USH2A: variants seen among roughly 807,000 people sequenced by gnomAD.
The protein encoded by USH2A is usherin, also known as Usher syndrome 2A (autosomal recessive, mild).
USH2A carries 443 observed loss-of-function variants against 538.9 expected under a neutral mutation model. The observed-to-expected ratio is 0.82, with a 90% CI of 0.76 to 0.89. The LOEUF is 0.89. Ranked by LOEUF, USH2A falls within the 40% of genes least tolerant of loss-of-function variation. USH2A has a pLI of 0.00. For synonymous variants in USH2A, 2,413 were observed against 2,273.5 expected (o/e 1.06, Z -1.75); for missense variants, 6,633 against 6,324.8 (o/e 1.05, Z -1.65).
intron 20 of USH2A, among the ~76,000 whole-genome samples, chr1:216,178,795 T>C (rs925247842): frequency 1.3e-4 from 20 of 152,146 alleles, no homozygotes; most frequent in African/African-American, 4.3e-4. Context: ...ATTGAGCACT[T>C]GAAATGTAGC....
At chr1:215,742,509 T>C (rs1321229960) in intron 59 of USH2A, among the ~76,000 whole-genome samples, 1 of 152,028 alleles carries the variant, frequency 6.6e-6, no homozygotes, top group Non-Finnish European at 1.5e-5. Flanking sequence ...TCTGTTAAAG[T>C]TTATACTTAA....
intron 19 of USH2A, among the ~76,000 whole-genome samples, chr1:216,195,485 A>G (rs896145461): frequency 6.6e-6 from 1 of 152,154 alleles, no homozygotes; most frequent in Non-Finnish European, 1.5e-5. Flanking sequence ...ACCCTGTGAA[A>G]CAGCAGAGCG....
At chr1:216,306,986 T>C (rs539746435) in intron 9 of USH2A, among the ~76,000 whole-genome samples, 1 of 152,260 alleles carries the variant, frequency 6.6e-6, no homozygotes, top group South Asian at 2.1e-4. Flanking sequence ...TTTTGTTTAT[T>C]GCACTAGTTT....
intron 30 of USH2A, among the ~76,000 whole-genome samples, chr1:216,061,050 C>T (rs896586146): frequency 1.3e-5 from 2 of 152,186 alleles, no homozygotes; most frequent in African/African-American, 4.8e-5. Flanking sequence ...CCTTAAAGAA[C>T]TCCTTGCTCT....
At chr1:216,338,826 T>C (rs903617037) in intron 4 of USH2A, among the ~76,000 whole-genome samples, 1 of 151,342 alleles carries the variant, frequency 6.6e-6, no homozygotes, top group Non-Finnish European at 1.5e-5. Flanking sequence ...AAAACGAAAA[T>C]AAGGGAGTAT....
chr1:215,836,535 T>TATATA (rs1663526239), intron 47 of USH2A, among the ~76,000 whole-genome samples: 1 of 24,242 alleles, frequency 4.1e-5, no homozygotes, highest in South Asian at 1.7e-3. Flanking sequence ...ATTATATATA[T>TATATA]ATATATAATA....
chr1:215,957,345 A>G (rs961658919), intron 37 of USH2A, among the ~76,000 whole-genome samples: 4 of 152,188 alleles, frequency 2.6e-5, no homozygotes, highest in Admixed American at 2.0e-4. Flanking sequence ...AGAACTCCTT[A>G]TCATGACACT....
intron 14 of USH2A, among the ~76,000 whole-genome samples, chr1:216,220,817 G>C (rs982862826): frequency 6.6e-6 from 1 of 152,058 alleles, no homozygotes; most frequent in African/African-American, 2.4e-5. Flanking sequence ...GAATTGAAAA[G>C]AGAAGGGAGG....
chr1:216,108,500 G>C (rs1054619147), intron 21 of USH2A, among the ~76,000 whole-genome samples: 5 of 150,792 alleles, frequency 3.3e-5, no homozygotes, highest in Non-Finnish European at 1.5e-5. Context: ...TTTTTAGGTT[G>C]TTTCATCATC....
chr1:215,977,603 A>T (rs890503262), intron 35 of USH2A, among the ~76,000 whole-genome samples: 2 of 152,024 alleles, frequency 1.3e-5, no homozygotes, highest in African/African-American at 4.8e-5. Flanking sequence ...GCCTCCCAGG[A>T]GGCGAATTAA....
At chr1:216,192,178 C>G (rs956941999) in intron 19 of USH2A, among the ~76,000 whole-genome samples, 2 of 152,066 alleles carry the variant, frequency 1.3e-5, no homozygotes, top group Non-Finnish European at 1.5e-5. Flanking sequence ...CGTATCCCCC[C>G]TGTCTCATTC....
In USH2A at chr1:215,900,752, C is replaced by A; in HGVS notation, c.7451+3G>T. On this transcript the variant is annotated splice_donor_region_variant and intron_variant, in intron 39 of 71. Transcript: ENST00000307340. ...GATAGAATGGACAAAGTAGAATGCTCACTCTAGAAATCCATGGGTGGAGTC... is the reference window on the plus strand; with the variant it reads ...GATAGAATGGACAAAGTAGAATGCTAACTCTAGAAATCCATGGGTGGAGTC... The A allele has an allele frequency of 6.2e-7, 1 of 1,613,510 alleles. No individual in the cohort carries two copies. The highest frequency in any genetic ancestry group is 1.7e-4 in the Middle Eastern group (1 of 6,048).
intron 11 of USH2A, among the ~76,000 whole-genome samples, chr1:216,280,110 T>C (rs1168152019): frequency 6.6e-6 from 1 of 151,482 alleles, no homozygotes; most frequent in Non-Finnish European, 1.5e-5. Flanking sequence ...GGGACTCTAT[T>C]TGATTGATCT....
intron 9 of USH2A, among the ~76,000 whole-genome samples, chr1:216,316,060 T>C (rs1279346046): frequency 6.6e-6 from 1 of 152,162 alleles, no homozygotes; most frequent in Non-Finnish European, 1.5e-5. Flanking sequence ...ATTTATGGTA[T>C]GTATCATACA....
chr1:215,826,117 T>C (rs1264904421), intron 47 of USH2A, among the ~76,000 whole-genome samples: 2 of 152,156 alleles, frequency 1.3e-5, no homozygotes, highest in South Asian at 4.1e-4. Context: ...TATTGATCTA[T>C]AGCATGGCAT....
chr1:215,883,290 G>A (rs1051124823), intron 41 of USH2A, among the ~76,000 whole-genome samples: 1 of 152,016 alleles, frequency 6.6e-6, no homozygotes, highest in African/African-American at 2.4e-5. Context: ...TGCATATTAA[G>A]GTGAAATTGA....
chr1:215,648,888 C>A (rs1656952297), intron 65 of USH2A, 122 bp from the exon 66 acceptor site: 4 of 943,308 alleles, frequency 4.2e-6, no homozygotes, highest in Admixed American at 1.7e-5. Context: ...GGAGACACAA[C>A]ATGGCATTTA....
At chr1:215,845,160 A>G (rs1663805701) in intron 45 of USH2A, among the ~76,000 whole-genome samples, 1 of 152,142 alleles carries the variant, frequency 6.6e-6, no homozygotes, top group African/African-American at 2.4e-5. Flanking sequence ...TGTCCTTGTG[A>G]TCTACCCTAT....
chr1:216,013,601 A>G (rs1035747963), intron 32 of USH2A, among the ~76,000 whole-genome samples: 13 of 152,038 alleles, frequency 8.6e-5, no homozygotes, highest in Non-Finnish European at 1.8e-4. Flanking sequence ...AACTGATGAC[A>G]TTGTCTTGTG....
Sources: gnomAD v4.1 joint callset for allele counts (sites outside exome capture counted in the v4.1 genomes callset) on GRCh38, gnomAD v4.1.1 for gene constraint, MANE v1.5 for transcripts, NCBI Gene and HGNC (gene_info 2026-07-23, HGNC 2026-07-21) for gene names.